The following RASGRF2 variants were observed in gnomAD, a reference collection of about 807,000 sequenced individuals.
RASGRF2 encodes the protein ras-specific guanine nucleotide-releasing factor 2.
Under a neutral mutation model 151.0 loss-of-function variants are expected in RASGRF2, and 76 were observed. The observed-to-expected ratio is 0.50, with a 90% CI of 0.42 to 0.61. The LOEUF (loss-of-function observed/expected upper bound fraction) is 0.61. RASGRF2 is among the 20% of genes least tolerant of loss of function. The pLI, the probability that RASGRF2 is intolerant of heterozygous loss-of-function variation, is 0.00. For synonymous variants in RASGRF2, 504 were observed against 566.5 expected (o/e 0.89, Z 1.57); for missense variants, 1,148 against 1,564.6 (o/e 0.73, Z 4.49).
intron 1 of RASGRF2, among the ~76,000 whole-genome samples, chr5:80,974,663 G>A (rs540841087): frequency 1.6e-5 from 2 of 128,056 alleles, no homozygotes; most frequent in Non-Finnish European, 3.3e-5. Flanking sequence ...GCAAGGAGGT[G>A]TCCCTTCCCA....
intron 19 of RASGRF2, among the ~76,000 whole-genome samples, chr5:81,201,844 G>A (rs1012684735): frequency 6.6e-5 from 10 of 152,158 alleles, no homozygotes; most frequent in African/African-American, 2.2e-4. Flanking sequence ...TGGGAGTCTC[G>A]TGCACCTAAA....
At chr5:81,186,241 T>TA (rs1213932941) in intron 18 of RASGRF2, among the ~76,000 whole-genome samples, 5 of 152,210 alleles carry the variant, frequency 3.3e-5, no homozygotes, top group African/African-American at 1.2e-4. Flanking sequence ...CTTCAGTGTG[T>TA]AGGTCAGTGA....
At position 81,136,138 on chromosome 5, in the gene RASGRF2, C is replaced by T. The variant is rs538211252; in HGVS notation, c.2686+8975C>T. 9.2e-5 allele frequency among the ~76,000 whole-genome samples: 14 copies of T among 152,202 alleles called. 1 individual carries two copies. The highest frequency in any genetic ancestry group is 4.2e-4 in the South Asian group (2 of 4,812). ...GGCAATTCTGCCTGCCTCAGCCTCCCGACTATTATTACTTTAAGCAAAGTT... is the reference window on the plus strand; with the variant it reads ...GGCAATTCTGCCTGCCTCAGCCTCCTGACTATTATTACTTTAAGCAAAGTT... On this transcript the variant is annotated intron_variant, in intron 17 of 26. Transcript: ENST00000265080.
At chr5:81,174,252 A>C (rs1329156282) in intron 17 of RASGRF2, among the ~76,000 whole-genome samples, 1 of 152,224 alleles carries the variant, frequency 6.6e-6, no homozygotes, top group Non-Finnish European at 1.5e-5. Context: ...AAAGACACAT[A>C]CACTTGGTTT....
At chr5:80,978,097 G>A (rs971730507) in intron 1 of RASGRF2, among the ~76,000 whole-genome samples, 2 of 152,124 alleles carry the variant, frequency 1.3e-5, no homozygotes, top group Non-Finnish European at 2.9e-5. Context: ...CCTTCTGACT[G>A]TGATAATTAT....
At chr5:81,077,554 T>C (rs545003132) in intron 5 of RASGRF2, among the ~76,000 whole-genome samples, 1 of 152,144 alleles carries the variant, frequency 6.6e-6, no homozygotes, top group Non-Finnish European at 1.5e-5. Context: ...TTTCTTTTGT[T>C]AAAAGGAAGG....
chr5:81,073,375 C>T lies in RASGRF2; in HGVS notation c.810C>T (p.Leu270=). The T allele has an allele frequency of 6.2e-7, 1 of 1,614,166 alleles. No homozygotes were observed. Among genetic ancestry groups the T allele is most frequent in the African/African-American group, 1.3e-5 (1 of 75,046 alleles). ...HQLYILVNGF[L]RPLRMAASSK... ...TCTACATCCTGGTCAATGGCTTTCT[C>T]CGGCCCCTGCGTATGGCCGCCAGCT... The change falls in exon 5 of 27, where the codon CTC becomes CTT. Residue 270 remains leucine, a synonymous_variant. Coordinates refer to ENST00000265080, the MANE Select transcript of RASGRF2 (RefSeq NM_006909.3).
chr5:81,226,005 C>G lies in RASGRF2; in HGVS notation c.*235C>G. 1 of 393,278 alleles carries G rather than the reference C, an allele frequency of 2.5e-6. No homozygotes were observed. Among genetic ancestry groups the G allele is most frequent in the Non-Finnish European group, 4.5e-6 (1 of 224,588 alleles). The allele number at this position is 393,278 out of a possible 1,614,324, so 24.4% of individuals were successfully genotyped here. ...ATGGCTATTTAGAAAGCTGGTGGCA[C>G]GTTTTACATAAGGGAATGTCAGATG... is the stretch of plus-strand genomic sequence containing the variant. On this transcript the variant is annotated 3_prime_UTR_variant, in exon 27 of 27. Coordinates refer to ENST00000265080, the MANE Select transcript of RASGRF2 (RefSeq NM_006909.3).
intron 17 of RASGRF2, among the ~76,000 whole-genome samples, chr5:81,176,833 C>G (rs1207507008): frequency 1.3e-5 from 2 of 152,032 alleles, no homozygotes; most frequent in Non-Finnish European, 2.9e-5. Flanking sequence ...CTGTGATTAT[C>G]TCTTCTTGAG....
At chr5:81,041,265 G>A (rs1248626728) in intron 1 of RASGRF2, among the ~76,000 whole-genome samples, 4 of 146,776 alleles carry the variant, frequency 2.7e-5, no homozygotes, top group Non-Finnish European at 4.4e-5. Context: ...TCACGCCACT[G>A]CACTCCAGCC....
intron 1 of RASGRF2, among the ~76,000 whole-genome samples, chr5:80,996,144 A>C (rs1416485926): frequency 6.6e-6 from 1 of 151,748 alleles, no homozygotes; most frequent in African/African-American, 2.4e-5. Flanking sequence ...TTACCTTTGA[A>C]CCTTAAATGT....
chr5:81,138,479 C>T (rs1456023223), intron 17 of RASGRF2, among the ~76,000 whole-genome samples: 1 of 152,154 alleles, frequency 6.6e-6, no homozygotes, highest in African/African-American at 2.4e-5. Context: ...GTAGAGAAGG[C>T]CCTGGGCATA....
At chr5:81,210,376 C>T (rs918867128) in intron 22 of RASGRF2, among the ~76,000 whole-genome samples, 7 of 152,222 alleles carry the variant, frequency 4.6e-5, no homozygotes, top group African/African-American at 1.7e-4. Flanking sequence ...GGGTCAGCAG[C>T]TTAACTCTTT....
chr5:81,177,213 G>A (rs1754795547), intron 17 of RASGRF2, among the ~76,000 whole-genome samples: 2 of 152,148 alleles, frequency 1.3e-5, no homozygotes, highest in Admixed American at 1.3e-4. Flanking sequence ...TATGCATTTA[G>A]AAGGATATTT....
intron 18 of RASGRF2, among the ~76,000 whole-genome samples, chr5:81,190,471 T>C (rs1345599492): frequency 6.6e-6 from 1 of 152,236 alleles, no homozygotes; most frequent in Non-Finnish European, 1.5e-5. Context: ...GTTTCCACAT[T>C]TGTAAAATTG....
At chr5:81,125,189 T>A (rs1327972708) in intron 16 of RASGRF2, among the ~76,000 whole-genome samples, 2 of 152,094 alleles carry the variant, frequency 1.3e-5, no homozygotes, top group African/African-American at 4.8e-5. Flanking sequence ...GCCCAGCCTA[T>A]AAAGGCATTT....
rs370612972 is a variant in RASGRF2 at position 81,165,375 on chromosome 5, G to A, written c.2687-14800G>A. Among the ~76,000 whole-genome samples, 1,249 of 152,250 alleles carry A rather than the reference G, an allele frequency of 8.2e-3. 4 individuals carry two copies. The highest frequency in any genetic ancestry group is 0.012 in the Non-Finnish European group (806 of 68,022). The stretch of plus-strand genomic sequence containing the variant: ...TCTGATTTAAAAAGTAGGAAGAATC[G>A]AACAGTTGGACCGAGTCCCTACCAT... On this transcript the variant is annotated intron_variant, in intron 17 of 26. Coordinates refer to ENST00000265080, the MANE Select transcript of RASGRF2 (RefSeq NM_006909.3).
chr5:81,207,731 A>G (rs1755542422), intron 21 of RASGRF2, among the ~76,000 whole-genome samples: 2 of 152,262 alleles, frequency 1.3e-5, no homozygotes, highest in Non-Finnish European at 1.5e-5. Context: ...AAGACAGCCC[A>G]TCTGACCAGG....
At chr5:81,058,937 C>T (rs780899582) in intron 2 of RASGRF2, among the ~76,000 whole-genome samples, 2 of 151,918 alleles carry the variant, frequency 1.3e-5, no homozygotes, top group Non-Finnish European at 1.5e-5. Context: ...ATCATTTGAA[C>T]GACTATTCTG....
Sources: allele counts gnomAD v4.1 joint callset (sites outside exome capture counted in the v4.1 genomes callset), GRCh38; gene constraint gnomAD v4.1.1; transcripts MANE v1.5; gene names NCBI Gene and HGNC (gene_info 2026-07-23, HGNC 2026-07-21).